ANK1: variants seen among roughly 807,000 people sequenced by gnomAD.
The protein encoded by ANK1 is ankyrin-1.
Under a neutral mutation model 210.4 loss-of-function variants are expected in ANK1, and 51 were observed. The observed-to-expected ratio is 0.24, with a 90% CI of 0.19 to 0.31. ANK1 has a LOEUF of 0.31. Among genes scored for constraint, ANK1 ranks in the 10% least tolerant of loss-of-function variants. ANK1 has a pLI of 1.00. For synonymous variants in ANK1, 967 were observed against 1,025.9 expected, an observed-to-expected ratio of 0.94 and a Z score of 1.10; for missense variants, 2,051 against 2,504.4, an observed-to-expected ratio of 0.82 and a Z score of 3.86.
intron 1 of ANK1, among the ~76,000 whole-genome samples, chr8:41,822,144 AAGAAAGAAAG>A (rs1265366587): frequency 0.014 from 1,885 of 135,390 alleles, 33 homozygotes; most frequent in South Asian, 0.031. Context: ...GAAAGAAAGA[AAGAAAGAAAG>A]AAAGAAAGAA....
chr8:41,788,551 A>T (rs1185118877), intron 1 of ANK1, among the ~76,000 whole-genome samples: 1 of 152,180 alleles, frequency 6.6e-6, no homozygotes, highest in Admixed American at 6.5e-5. Flanking sequence ...CTGCAATCTC[A>T]GTTTCCTCAT....
In ANK1 at chr8:41,654,122, C is replaced by A. The variant is rs1237431304; in HGVS notation, c.*1668G>T. 6.6e-6 allele frequency: 1 copy of A among 152,488 alleles called. No homozygotes were observed. Among genetic ancestry groups the A allele is most frequent in the Non-Finnish European group, 1.5e-5 (1 of 68,000 alleles). 9.4% of individuals were successfully genotyped at this position (152,488 alleles called of 1,614,324 possible). A position where few individuals can be genotyped will look rare whatever the true frequency, so the allele number is the denominator to read the frequency against. The stretch of plus-strand genomic sequence containing the variant: ...GGCCGGGCCGTCCACACCGCGGCTC[C>A]AGGGGCGAGAGGAGCCAGCCCTGTC... On this transcript the variant is annotated 3_prime_UTR_variant, in exon 43 of 43. Transcript: ENST00000289734.
intron 1 of ANK1, among the ~76,000 whole-genome samples, chr8:41,796,602 AG>A (rs1476394661): frequency 1.3e-5 from 2 of 151,334 alleles, no homozygotes; most frequent in African/African-American, 2.4e-5. Context: ...GCCACTAAAA[AG>A]AAATTCCCGC....
intron 1 of ANK1, among the ~76,000 whole-genome samples, chr8:41,818,038 C>T (rs970648224): frequency 2.6e-5 from 4 of 152,216 alleles, no homozygotes; most frequent in Non-Finnish European, 4.4e-5. Context: ...CACATACAGG[C>T]CCAATAACCC....
chr8:41,715,718 A>T lies in ANK1; in HGVS notation c.1536T>A (p.Arg512=). The T allele has an allele frequency of 6.2e-7, 1 of 1,614,014 alleles. No homozygotes were observed. Residue 512 remains arginine, a synonymous_variant, in exon 14 of 43, where the codon CGT becomes CGA. Transcript: ENST00000289734. ...CCAGGACTGTTTCCACATGGCCCTCACGGGCTGCAATGTGCAGGGGGGTGT... is the reference window on the plus strand; with the variant it reads ...CCAGGACTGTTTCCACATGGCCCTCTCGGGCTGCAATGTGCAGGGGGGTGT... ...AGHTPLHIAA[R]EGHVETVLAL...
intron 16 of ANK1, among the ~76,000 whole-genome samples, chr8:41,709,725 A>G (rs1825642751): frequency 6.6e-6 from 1 of 152,204 alleles, no homozygotes; most frequent in Non-Finnish European, 1.5e-5. Flanking sequence ...ACTTGAGGCC[A>G]GGAGTTTGAG....
At chr8:41,759,810 C>T (rs948185044) in intron 1 of ANK1, among the ~76,000 whole-genome samples, 2 of 152,022 alleles carry the variant, frequency 1.3e-5, no homozygotes, top group African/African-American at 4.8e-5. Flanking sequence ...TTTGGAATAC[C>T]CAAGAGGTAA....
At chr8:41,728,890 C>T (rs910932156) in intron 3 of ANK1, among the ~76,000 whole-genome samples, 2 of 152,194 alleles carry the variant, frequency 1.3e-5, no homozygotes, top group Non-Finnish European at 2.9e-5. Context: ...GCTGGCCTTC[C>T]GCGGACCTGC....
chr8:41,688,427 C>A, intron 34 of ANK1, 84 bp downstream of exon 34: 1 of 1,534,880 alleles, frequency 6.5e-7, no homozygotes, highest in Non-Finnish European at 9.0e-7. Flanking sequence ...CTCAGCAGAA[C>A]CCTCACAGGG....
chr8:41,820,165 A>AG (rs1300575793), intron 1 of ANK1, among the ~76,000 whole-genome samples: 1 of 126,210 alleles, frequency 7.9e-6, no homozygotes, highest in Non-Finnish European at 1.8e-5. Context: ...TTTAGATCTC[A>AG]CCTTTTTTTT....
intron 42 of ANK1, chr8:41,660,470 G>C (rs1338204266): frequency 4.4e-6 from 2 of 459,192 alleles, no homozygotes; most frequent in Admixed American, 2.6e-5. Flanking sequence ...CCCGAGCTGG[G>C]CAGCATGAAG....
chr8:41,734,787 C>T (rs1833027352), intron 2 of ANK1, among the ~76,000 whole-genome samples: 1 of 152,048 alleles, frequency 6.6e-6, no homozygotes, highest in Non-Finnish European at 1.5e-5. Context: ...CCTATAGTCC[C>T]AGCTACTCAG....
In ANK1 at chr8:41,688,558, G is replaced by C. The variant is rs748160803; in HGVS notation, c.4136C>G (p.Pro1379Arg). ...GCTGTATCGCAGGGCCAGGGGCGTC[G>C]GGGTCCTTCTCCTATCTTCGGCTCC... ...GSGAEDRRRT[P>R]TPLALRYSIL... The change falls in exon 34 of 43, where the codon CCG (proline) becomes CGG (arginine). Residue 1379 changes from proline (P) to arginine (R), a missense_variant. Coordinates refer to ENST00000289734, the MANE Select transcript of ANK1 (RefSeq NM_000037.4). 1 of 1,614,126 alleles carries C rather than the reference G, an allele frequency of 6.2e-7. No homozygotes were observed.
chr8:41,836,273 C>G (rs1807693150), intron 1 of ANK1, among the ~76,000 whole-genome samples: 1 of 152,210 alleles, frequency 6.6e-6, no homozygotes, highest in African/African-American at 2.4e-5. Context: ...CATTCACAAC[C>G]CAAAGAAAAA....
chr8:41,817,880 C>G (rs1425660790), intron 1 of ANK1, among the ~76,000 whole-genome samples: 1 of 152,196 alleles, frequency 6.6e-6, no homozygotes, highest in Non-Finnish European at 1.5e-5. Context: ...CAATCCAGGG[C>G]CACTCCCAAA....
intron 2 of ANK1, among the ~76,000 whole-genome samples, chr8:41,736,575 C>G (rs942858220): frequency 7.9e-5 from 12 of 152,118 alleles, no homozygotes; most frequent in African/African-American, 2.9e-4. Flanking sequence ...GAAGCTGACT[C>G]GCAGTGGCAG....
chr8:41,892,239 C>T (rs1225205317), intron 1 of ANK1, among the ~76,000 whole-genome samples: 1 of 151,986 alleles, frequency 6.6e-6, no homozygotes, highest in Non-Finnish European at 1.5e-5. Flanking sequence ...CGCAGGTGCC[C>T]CCCCACCCCA....
chr8:41,807,126 G>A (rs1014193071), intron 1 of ANK1, among the ~76,000 whole-genome samples: 1 of 152,138 alleles, frequency 6.6e-6, no homozygotes, highest in African/African-American at 2.4e-5. Flanking sequence ...CACCTATTAT[G>A]TGCCAGTCAT....
chr8:41,682,453 A>AGTTTT (rs1816366564), intron 37 of ANK1, among the ~76,000 whole-genome samples: 1 of 152,212 alleles, frequency 6.6e-6, no homozygotes, highest in South Asian at 2.1e-4. Context: ...ACAAAGGCAG[A>AGTTTT]GTTTTGTTTT....
Sources: allele counts gnomAD v4.1 joint callset (sites outside exome capture counted in the v4.1 genomes callset), GRCh38; gene constraint gnomAD v4.1.1; transcripts MANE v1.5; gene names NCBI Gene and HGNC (gene_info 2026-07-23, HGNC 2026-07-21).